GRAMD2B: variants seen among roughly 807,000 people sequenced by gnomAD.
GRAMD2B encodes GRAM domain-containing protein 2B.
GRAMD2B carries 41 observed loss-of-function variants against 59.2 expected under a neutral mutation model. The observed-to-expected ratio is 0.69, with a 90% CI of 0.54 to 0.90. The LOEUF (loss-of-function observed/expected upper bound fraction) is 0.90, where lower values mean the gene tolerates loss of function less well. GRAMD2B is among the 40% of genes least tolerant of loss of function. The pLI, the probability that GRAMD2B is intolerant of heterozygous loss-of-function variation, is 0.00. For missense variants in GRAMD2B, 424 were observed against 500.5 expected, an observed-to-expected ratio of 0.85 and a Z score of 1.46; for synonymous variants, 161 against 182.7, an observed-to-expected ratio of 0.88 and a Z score of 0.96.
intron 1 of GRAMD2B, among the ~76,000 whole-genome samples, chr5:126,454,452 T>C (rs2126704086): frequency 6.6e-6 from 1 of 152,342 alleles, no homozygotes; most frequent in South Asian, 2.1e-4. Flanking sequence ...TGGGAGCTGT[T>C]TGGTTGCTTT....
At chr5:126,372,357 C>G (rs1419690632) in intron 1 of GRAMD2B, among the ~76,000 whole-genome samples, 1 of 152,148 alleles carries the variant, frequency 6.6e-6, no homozygotes, top group Non-Finnish European at 1.5e-5. Context: ...CACACCCAAA[C>G]TTTACTTTTT....
At chr5:126,389,306 T>C (rs1756489480) in intron 1 of GRAMD2B, among the ~76,000 whole-genome samples, 1 of 152,200 alleles carries the variant, frequency 6.6e-6, no homozygotes, top group Admixed American at 6.5e-5. Flanking sequence ...TGAAATACCT[T>C]TGGCTGGTTT....
chr5:126,474,264 T>G (rs1366646673), intron 5 of GRAMD2B, among the ~76,000 whole-genome samples: 1 of 152,212 alleles, frequency 6.6e-6, no homozygotes, highest in Non-Finnish European at 1.5e-5. Flanking sequence ...TTAAAACTTC[T>G]TTTTGAGTAG....
intron 1 of GRAMD2B, among the ~76,000 whole-genome samples, chr5:126,390,558 G>T (rs1756636486): frequency 6.6e-6 from 1 of 152,188 alleles, no homozygotes; most frequent in African/African-American, 2.4e-5. Flanking sequence ...GAAACCAGAA[G>T]AAATAAAATC....
intron 11 of GRAMD2B, among the ~76,000 whole-genome samples, chr5:126,486,403 T>C (rs1044916877): frequency 2.0e-5 from 3 of 152,236 alleles, no homozygotes; most frequent in African/African-American, 7.2e-5. Context: ...CATAGACTTT[T>C]TTAACTTCTA....
exon 1 of GRAMD2B, chr5:126,360,252 G>C: frequency 6.7e-7 from 1 of 1,492,812 alleles, no homozygotes; most frequent in Middle Eastern, 1.7e-4. Flanking sequence ...AAGAGCTGTG[G>C]TTGGGCAGAT....
At chr5:126,380,166 TC>T (rs1302639958) in intron 1 of GRAMD2B, among the ~76,000 whole-genome samples, 1 of 152,172 alleles carries the variant, frequency 6.6e-6, no homozygotes, top group Non-Finnish European at 1.5e-5. Flanking sequence ...GAGTAGGGTG[TC>T]CTTTCCCCAC....
At chr5:126,425,362 A>C (rs977702771) in intron 1 of GRAMD2B, among the ~76,000 whole-genome samples, 1 of 152,276 alleles carries the variant, frequency 6.6e-6, no homozygotes, top group Non-Finnish European at 1.5e-5. Flanking sequence ...CTTTAAAAAG[A>C]AAGATCATTT....
At chr5:126,481,534 C>T (rs1771841391) in intron 8 of GRAMD2B, among the ~76,000 whole-genome samples, 1 of 152,176 alleles carries the variant, frequency 6.6e-6, no homozygotes, top group Non-Finnish European at 1.5e-5. Flanking sequence ...AAAGCGTTTT[C>T]ACACAAACAC....
chr5:126,395,151 G>A (rs1033107629), intron 1 of GRAMD2B, among the ~76,000 whole-genome samples: 2 of 152,012 alleles, frequency 1.3e-5, no homozygotes, highest in South Asian at 2.1e-4. Context: ...TTTATAATTA[G>A]GAAAGAAACA....
chr5:126,440,659 C>T (rs1763137662), intron 1 of GRAMD2B, among the ~76,000 whole-genome samples: 1 of 151,834 alleles, frequency 6.6e-6, no homozygotes, highest in Non-Finnish European at 1.5e-5. Flanking sequence ...ACAAAAACTA[C>T]TATATAATAT....
At chr5:126,451,333 A>C (rs1478229337) in intron 1 of GRAMD2B, among the ~76,000 whole-genome samples, 3 of 152,222 alleles carry the variant, frequency 2.0e-5, no homozygotes, top group African/African-American at 7.2e-5. Context: ...AAGAGGTTTA[A>C]TTGGTTCACA....
At chr5:126,450,116 G>A (rs986316583) in intron 1 of GRAMD2B, among the ~76,000 whole-genome samples, 1 of 151,936 alleles carries the variant, frequency 6.6e-6, no homozygotes, top group Non-Finnish European at 1.5e-5. Flanking sequence ...GAAGGGTATA[G>A]GAGGAAAGAA....
At chr5:126,450,698 G>GC (rs1178459773) in intron 1 of GRAMD2B, among the ~76,000 whole-genome samples, 1 of 148,840 alleles carries the variant, frequency 6.7e-6, no homozygotes, top group African/African-American at 2.5e-5. Context: ...CTCTGTCCCG[G>GC]CCAGTCTGGC....
At chr5:126,454,862 T>C (rs1043637190) in intron 1 of GRAMD2B, among the ~76,000 whole-genome samples, 6 of 152,234 alleles carry the variant, frequency 3.9e-5, no homozygotes, top group Admixed American at 3.9e-4. Context: ...TCTGATATTC[T>C]TTTTATTGTT....
intron 1 of GRAMD2B, among the ~76,000 whole-genome samples, chr5:126,388,703 T>C (rs760012785): frequency 1.1e-4 from 16 of 151,804 alleles, no homozygotes; most frequent in Non-Finnish European, 1.0e-4. Context: ...ATTTGTAATG[T>C]AGAATTTTAT....
chr5:126,379,026 C>T lies in GRAMD2B; in HGVS notation c.125+7459C>T, dbSNP rs182224023. On this transcript the variant is annotated intron_variant, in intron 1 of 8. Coordinates refer to the GRAMD2B transcript ENST00000506445. ...CATCACCCAAGTAGTGTGCACTGTACCCAATGTGTAGTCCTTTATCCCTCA... is the reference window on the plus strand; with the variant it reads ...CATCACCCAAGTAGTGTGCACTGTATCCAATGTGTAGTCCTTTATCCCTCA... Among the ~76,000 whole-genome samples the T allele has an allele frequency of 6.6e-4, 100 of 152,182 alleles. No homozygotes were observed. The East Asian group carries it at 0.014, about 22-fold the overall frequency.
At chr5:126,471,174 A>C (rs1769506010) in intron 3 of GRAMD2B, among the ~76,000 whole-genome samples, 1 of 152,152 alleles carries the variant, frequency 6.6e-6, no homozygotes, top group Non-Finnish European at 1.5e-5. Flanking sequence ...TTGGATAATA[A>C]AGCCATCCAG....
At chr5:126,410,165 A>G (rs960465811) in intron 1 of GRAMD2B, among the ~76,000 whole-genome samples, 11 of 152,154 alleles carry the variant, frequency 7.2e-5, no homozygotes, top group Admixed American at 2.0e-4. Flanking sequence ...TTGACTTAGC[A>G]ATGCGGGCTC....
Sources: allele counts gnomAD v4.1 joint callset (sites outside exome capture counted in the v4.1 genomes callset), GRCh38; gene constraint gnomAD v4.1.1; transcripts MANE v1.5; gene names NCBI Gene and HGNC (gene_info 2026-07-23, HGNC 2026-07-21).